ABHD16A: variants seen among roughly 807,000 people sequenced by gnomAD.
ABHD16A encodes abhydrolase domain containing 16A, phospholipase, also known as phosphatidylserine lipase ABHD16A.
In ABHD16A, 47 loss-of-function variants were observed where a neutral mutation model predicts 89.8. The ratio of observed to expected loss-of-function variants is 0.52; its 90% CI spans 0.41 to 0.67. The LOEUF (loss-of-function observed/expected upper bound fraction) is 0.67. Ranked by LOEUF, ABHD16A falls within the 30% of genes least tolerant of loss-of-function variation. The pLI is 0.00. For missense variants in ABHD16A, 580 were observed against 734.6 expected (o/e 0.79, Z 2.43); for synonymous variants, 251 against 280.4 (o/e 0.90, Z 1.05).
At chr6:31,701,172 A>G in intron 3 of ABHD16A, 102 bp downstream of exon 3, 1 of 1,373,606 alleles carries the variant, frequency 7.3e-7, no homozygotes, top group South Asian at 1.2e-5. Context: ...GGAAGAGGGA[A>G]GCCAAGCCAT....
chr6:31,701,389 A>G (rs774166053), intron 2 of ABHD16A, 49 bp from the exon 3 acceptor site: 11 of 1,134,198 alleles, frequency 9.7e-6, no homozygotes, highest in Admixed American at 4.2e-5. Flanking sequence ...ACACACACAC[A>G]CCTGCCATTC....
At chr6:31,692,702 A>T in intron 7 of ABHD16A, 2 of 416,928 alleles carry the variant, frequency 4.8e-6, no homozygotes, top group South Asian at 4.9e-5. Flanking sequence ...GGGTACACAG[A>T]TGCTACCAGA....
rs763088866 is a variant in ABHD16A at position 31,689,666 on chromosome 6, A to G, written c.996T>C (p.Asp332=). The G allele has an allele frequency of 3.7e-6, 6 of 1,612,660 alleles. No homozygotes were observed. The highest frequency in any genetic ancestry group is 1.7e-5 in the Admixed American group (1 of 59,974). ...GGTGGATGGCAAACTGGACCACCAC[A>G]TCCATGGCATTAGCCTCATTCTGCG... ...PFPQNEANAM[D]VVVQFAIHRL... Residue 332 remains aspartate (D), a synonymous_variant, in exon 12 of 20, where the codon GAT becomes GAC. Transcript: ENST00000395952.
intron 7 of ABHD16A, 110 bp downstream of exon 7, chr6:31,692,917 G>T: frequency 6.9e-7 from 1 of 1,443,810 alleles, no homozygotes. Context: ...AAACCATACA[G>T]CACTAGGCCC....
intron 4 of ABHD16A, among the ~76,000 whole-genome samples, chr6:31,700,580 G>T (rs1274094434): frequency 6.6e-6 from 1 of 152,042 alleles, no homozygotes; most frequent in Non-Finnish European, 1.5e-5. Context: ...ATATAGAATT[G>T]TTGTAGGGTA....
chr6:31,687,947 C>T lies in ABHD16A; in HGVS notation c.1371-47G>A. The T allele has an allele frequency of 6.2e-7, 1 of 1,612,366 alleles. No homozygotes were observed. The highest frequency in any genetic ancestry group is 8.5e-7 in the Non-Finnish European group (1 of 1,179,764). Reference sequence around the variant, plus strand: ...AGGTCAGGGCTGATTTTTTTTCATTCACCATCCCTGAACCTTCCTCCCTCC... The same window carrying T: ...AGGTCAGGGCTGATTTTTTTTCATTTACCATCCCTGAACCTTCCTCCCTCC... On this transcript the variant is annotated intron_variant, in intron 16 of 19. Coordinates refer to ENST00000395952, the MANE Select transcript of ABHD16A (RefSeq NM_021160.3). The surrounding 1 kb of genome is among the most constrained non-coding windows in gnomAD (Gnocchi z 6.3).
chr6:31,688,678 G>C lies in ABHD16A; in HGVS notation c.1250+45C>G. On this transcript the variant is annotated intron_variant, in intron 14 of 19. Coordinates refer to ENST00000395952, the MANE Select transcript of ABHD16A (RefSeq NM_021160.3). The surrounding 1 kb of genome is among the most constrained non-coding windows in gnomAD (Gnocchi z 4.9). ...CAGGGTTTGAGCGCCCAGCAGAGCTGTATGGGGGGCAGGTGTTCAATGCCG... is the reference window on the plus strand; with the variant it reads ...CAGGGTTTGAGCGCCCAGCAGAGCTCTATGGGGGGCAGGTGTTCAATGCCG... 6.2e-7 allele frequency: 1 copy of C among 1,606,240 alleles called. No individual in the cohort carries two copies. Among genetic ancestry groups the C allele is most frequent in the South Asian group, 1.1e-5 (1 of 90,910 alleles).
rs1440003173 is a variant in ABHD16A, at chr6:31,698,752, CCTCT to C, written c.344-1723_344-1720del. On this transcript the variant is annotated intron_variant, in intron 4 of 19. Transcript: ENST00000395952. This position sits in a 1 kb window ranked among gnomAD's most constrained non-coding sequence, Gnocchi z 4.1. The stretch of plus-strand genomic sequence containing the variant: ...TTTTAGACAGGGTGGTCAGGGAAGG[CCTCT>C]CTGAGGAGAGAGCCCAGCCCTGCAG... Among the ~76,000 whole-genome samples, 16 of 152,086 alleles carry C rather than the reference CCTCT, an allele frequency of 1.1e-4. No homozygotes were observed. Among genetic ancestry groups the C allele is most frequent in the Non-Finnish European group, 2.4e-4 (16 of 68,010 alleles).
chr6:31,696,872 G>A, intron 5 of ABHD16A, 76 bp downstream of exon 5: 1 of 1,397,510 alleles, frequency 7.2e-7, no homozygotes, highest in South Asian at 1.2e-5. Flanking sequence ...GCAGAAGCCA[G>A]TGTCTGGTGC....
At chr6:31,692,970 G>C in intron 7 of ABHD16A, 57 bp downstream of exon 7, 1 of 1,613,486 alleles carries the variant, frequency 6.2e-7, no homozygotes, top group South Asian at 1.1e-5. Flanking sequence ...CACTCCCAGA[G>C]CACTCCTGAA....
Position 31,690,186 on chromosome 6 carries a change from C to A in ABHD16A, c.908-59G>T. On this transcript the variant is annotated intron_variant, in intron 10 of 19. Transcript: ENST00000395952. The surrounding 1 kb of genome is among the most constrained non-coding windows in gnomAD (Gnocchi z 4.1). Reference sequence around the variant, plus strand: ...GTGGCCCACAGCCCTTTCTCCATCCCTGGGGGAAGGAAGAGCAGAAGTACC... The same window carrying A: ...GTGGCCCACAGCCCTTTCTCCATCCATGGGGGAAGGAAGAGCAGAAGTACC... 6.8e-7 allele frequency: 1 copy of A among 1,475,062 alleles called. No individual in the cohort carries two copies. The highest frequency in any genetic ancestry group is 9.1e-7 in the Non-Finnish European group (1 of 1,092,980). 91.4% of individuals were successfully genotyped at this position (1,475,062 alleles called of 1,614,324 possible). A position where few individuals can be genotyped will look rare whatever the true frequency, so the allele number is the denominator to read the frequency against.
rs1237239364 is a variant in ABHD16A at position 31,687,721 on chromosome 6, C to G, written c.1467G>C (p.Trp489Cys). Reference protein sequence around the residue: ...QLEEASIYSRWEVEEDWCLSV... With the variant: ...QLEEASIYSRCEVEEDWCLSV... ...ACAGACACCAGTCCTCTTCCACCTC[C>G]CATCGGCTATAAATTGAGGCTGGTC... Residue 489 changes from tryptophan to cysteine, a missense_variant, in exon 18 of 20, where the codon TGG becomes TGC. Physicochemically the swap from Trp to Cys is radical, Grantham distance 215 (BLOSUM62 -2). Transcript: ENST00000395952. The surrounding 1 kb of genome is among the most constrained non-coding windows in gnomAD (Gnocchi z 6.3). The G allele has an allele frequency of 6.2e-7, 1 of 1,612,848 alleles. No individual in the cohort carries two copies.
At position 31,698,321 on chromosome 6, in the gene ABHD16A, T is replaced by C. The variant is rs138574997; in HGVS notation, c.344-1288A>G. Among the ~76,000 whole-genome samples the C allele has an allele frequency of 4.1e-3, 616 of 151,868 alleles. 3 individuals are homozygous for C. The highest frequency in any genetic ancestry group is 7.0e-3 in the Non-Finnish European group (473 of 67,946). Reference sequence around the variant, plus strand: ...AAAGAGGAAGATGGGACTGAAAGGATTCCAATGGGAACTCCAACCCTAACT... The same window carrying C: ...AAAGAGGAAGATGGGACTGAAAGGACTCCAATGGGAACTCCAACCCTAACT... On this transcript the variant is annotated intron_variant, in intron 4 of 19. Coordinates refer to ENST00000395952, the MANE Select transcript of ABHD16A (RefSeq NM_021160.3). This position sits in a 1 kb window ranked among gnomAD's most constrained non-coding sequence, Gnocchi z 4.1.
At position 31,687,114 on chromosome 6, in the gene ABHD16A, C is replaced by A; in HGVS notation, c.*98G>T. The A allele has an allele frequency of 8.1e-7, 1 of 1,234,652 alleles. No individual in the cohort carries two copies. The highest frequency in any genetic ancestry group is 1.1e-6 in the Non-Finnish European group (1 of 875,634). The allele number at this position is 1,234,652 out of a possible 1,614,324, so 76.5% of individuals were successfully genotyped here. A position where few individuals can be genotyped will look rare whatever the true frequency, so the allele number is the denominator to read the frequency against. On this transcript the variant is annotated 3_prime_UTR_variant, in exon 20 of 20. Transcript: ENST00000395952. This position sits in a 1 kb window ranked among gnomAD's most constrained non-coding sequence, Gnocchi z 6.3. ...GGGATGGTCCCCCACTTTCCACAAACTATAAACAGCAACATGAACACAGAG... is the reference window on the plus strand; with the variant it reads ...GGGATGGTCCCCCACTTTCCACAAAATATAAACAGCAACATGAACACAGAG...
In ABHD16A at chr6:31,688,946, C is replaced by T; in HGVS notation, c.1186+69G>A. 3.4e-6 allele frequency: 5 copies of T among 1,478,046 alleles called. No homozygotes were observed. Among genetic ancestry groups the T allele is most frequent in the Non-Finnish European group, 3.7e-6 (4 of 1,080,690 alleles). The allele number at this position is 1,478,046 out of a possible 1,614,324, so 91.6% of individuals were successfully genotyped here. On this transcript the variant is annotated intron_variant, in intron 13 of 19. Coordinates refer to ENST00000395952, the MANE Select transcript of ABHD16A (RefSeq NM_021160.3). The surrounding 1 kb of genome is among the most constrained non-coding windows in gnomAD (Gnocchi z 4.9). ...TACTCCCCACCCAAGAAAAGGGAGC[C>T]ATCTCAGAACAGTTCCCAGTTCCAG...
intron 1 of ABHD16A, chr6:31,702,693 T>C (rs1417005638): frequency 1.3e-6 from 2 of 1,545,998 alleles, no homozygotes. Context: ...GACCGACGGA[T>C]ACAGGATCTG....
At chr6:31,691,529 A>C in intron 9 of ABHD16A, 50 bp downstream of exon 9, 1 of 1,575,780 alleles carries the variant, frequency 6.3e-7, no homozygotes, top group Non-Finnish European at 8.7e-7. Context: ...CCAGACCTCT[A>C]CTGCCTTCCT....
At chr6:31,702,178 C>T in intron 1 of ABHD16A, 48 bp from the exon 2 acceptor site, 4 of 1,582,286 alleles carry the variant, frequency 2.5e-6, no homozygotes, top group Non-Finnish European at 3.5e-6. Flanking sequence ...CTGGCAGGTC[C>T]TTTCCCTTCC....
At position 31,691,878 on chromosome 6, in the gene ABHD16A, G is replaced by C; in HGVS notation, c.667C>G (p.Pro223Ala). 6.2e-7 allele frequency: 1 copy of C among 1,611,354 alleles called. No homozygotes were observed. The highest frequency in any genetic ancestry group is 1.1e-5 in the South Asian group (1 of 90,876). ...AHTLGRRMLY[P>A]GSVYLLQKAL... ...TTCTGCAGCAGGTACACAGAGCCTG[G>C]ATACAGCATCCGGCGCCCTAGGGTG... Residue 223 changes from proline to alanine, a missense_variant, in exon 8 of 20, where the codon CCA becomes GCA. By Grantham distance (27) the Pro-to-Ala change is conservative. Coordinates refer to ENST00000395952, the MANE Select transcript of ABHD16A (RefSeq NM_021160.3).
Sources: allele counts gnomAD v4.1 joint callset (sites outside exome capture counted in the v4.1 genomes callset), GRCh38; gene constraint gnomAD v4.1.1; non-coding constraint Gnocchi (gnomAD v3.1); transcripts MANE v1.5; gene names NCBI Gene and HGNC (gene_info 2026-07-23, HGNC 2026-07-21).